KREMEN1: variants seen among roughly 807,000 people sequenced by gnomAD.
KREMEN1 encodes the protein kremen protein 1.
A neutral mutation model predicts 46.5 loss-of-function variants in KREMEN1; 30 were observed. The ratio of observed to expected loss-of-function variants is 0.65; its 90% CI spans 0.48 to 0.88. The LOEUF (loss-of-function observed/expected upper bound fraction) is 0.88, where lower values mean the gene tolerates loss of function less well. Among genes scored for constraint, KREMEN1 ranks in the 40% least tolerant of loss-of-function variants. KREMEN1 has a pLI of 0.00. For synonymous variants in KREMEN1, 214 were observed against 230.6 expected, an observed-to-expected ratio of 0.93 and a Z score of 0.65; for missense variants, 533 against 596.9, an observed-to-expected ratio of 0.89 and a Z score of 1.11.
rs142050401 is a variant in KREMEN1, at chr22:29,109,146, C to A, written c.352+10193C>A. On this transcript the variant is annotated intron_variant, in intron 3 of 8. Coordinates refer to ENST00000400335, the MANE Select transcript of KREMEN1 (RefSeq NM_001039570.3). ...TACTCAATTATTTTTTGGTTTTTGCCAGTGGGTATTATTTAATTTTCCATT... is the reference window on the plus strand; with the variant it reads ...TACTCAATTATTTTTTGGTTTTTGCAAGTGGGTATTATTTAATTTTCCATT... Among the ~76,000 whole-genome samples the A allele has an allele frequency of 7.5e-4, 114 of 152,100 alleles. No homozygotes were observed. In the East Asian group the frequency reaches 0.021, roughly 28 times the overall value.
chr22:29,126,597 G>A (rs1270319759), intron 5 of KREMEN1, among the ~76,000 whole-genome samples: 1 of 152,094 alleles, frequency 6.6e-6, no homozygotes. Flanking sequence ...TCTTAACTCG[G>A]TTACATAACA....
chr22:29,146,047 C>T lies in KREMEN1; in HGVS notation c.*3935C>T, dbSNP rs116694917. On this transcript the variant is annotated 3_prime_UTR_variant, in exon 9 of 9. Transcript: ENST00000400335. ...CAAGCACTTATACGCGGATGGCCTC[C>T]GAGACCCTGCCTCCCTGGTCTGCTG... 7.7e-4 allele frequency: 761 copies of T among 985,894 alleles called. 3 individuals carry two copies. In the African/African-American group the frequency reaches 0.012, roughly 16 times the overall value. The allele number at this position is 985,894 out of a possible 1,614,324, so 61.1% of individuals were successfully genotyped here.
At chr22:29,082,912 A>G (rs980218136) in intron 1 of KREMEN1, among the ~76,000 whole-genome samples, 4 of 152,192 alleles carry the variant, frequency 2.6e-5, no homozygotes, top group African/African-American at 9.7e-5. Flanking sequence ...TTTCAGCTTT[A>G]AAATATCTCA....
In KREMEN1 at chr22:29,145,517, G is replaced by A. The variant is rs2038843755; in HGVS notation, c.*3405G>A. The A allele has an allele frequency of 1.1e-5, 11 of 985,564 alleles. No individual in the cohort carries two copies. The highest frequency in any genetic ancestry group is 6.1e-5 in the Admixed American group (1 of 16,290). The allele number at this position is 985,564 out of a possible 1,614,324, so 61.1% of individuals were successfully genotyped here. On this transcript the variant is annotated 3_prime_UTR_variant, in exon 9 of 9. Coordinates refer to ENST00000400335, the MANE Select transcript of KREMEN1 (RefSeq NM_001039570.3). ...GCCAACAGGAGAGCCCTCACCAGCC[G>A]ATCTTGTCACTCTCCGTGGTGACAG...
chr22:29,142,621 G>A lies in KREMEN1; in HGVS notation c.*509G>A, dbSNP rs1419191149. ...TTGGGAGTTGGTCCCATACAAGTGC[G>A]GACTCCTGGACATTAGCGAGGTGTA... is the stretch of plus-strand genomic sequence containing the variant. On this transcript the variant is annotated 3_prime_UTR_variant, in exon 9 of 9. Coordinates refer to ENST00000400335, the MANE Select transcript of KREMEN1 (RefSeq NM_001039570.3). 19 of 985,442 alleles carry A rather than the reference G, an allele frequency of 1.9e-5. No homozygotes were observed. The highest frequency in any genetic ancestry group is 1.2e-4 in the Admixed American group (2 of 16,264). 61.0% of individuals were successfully genotyped at this position (985,442 alleles called of 1,614,324 possible). A position where few individuals can be genotyped will look rare whatever the true frequency, so the allele number is the denominator to read the frequency against.
downstream of KREMEN1, chr22:29,146,885 GTC>G: frequency 1.4e-6 from 1 of 740,358 alleles, no homozygotes; most frequent in Non-Finnish European, 1.6e-6. Context: ...AGCGGAGGGT[GTC>G]TGTGGTGGGA....
intron 3 of KREMEN1, among the ~76,000 whole-genome samples, chr22:29,107,151 A>G (rs1462456209): frequency 1.3e-5 from 2 of 150,358 alleles, no homozygotes; most frequent in Non-Finnish European, 2.9e-5. Flanking sequence ...CCCCAATACC[A>G]TGTCTTCACT....
At chr22:29,136,564 G>T (rs1349670845) in intron 5 of KREMEN1, among the ~76,000 whole-genome samples, 2 of 141,792 alleles carry the variant, frequency 1.4e-5, no homozygotes, top group Non-Finnish European at 3.1e-5. Context: ...GACAGACGGA[G>T]ACTCCTTCTC....
At chr22:29,093,813 T>C (rs368911923) in intron 1 of KREMEN1, among the ~76,000 whole-genome samples, 5 of 152,178 alleles carry the variant, frequency 3.3e-5, no homozygotes, top group East Asian at 3.8e-4. Flanking sequence ...TTTCAGACTG[T>C]AGGGAAGAGC....
chr22:29,084,297 C>T (rs935742968), intron 1 of KREMEN1, among the ~76,000 whole-genome samples: 3 of 145,128 alleles, frequency 2.1e-5, no homozygotes, highest in Admixed American at 6.9e-5. Flanking sequence ...TGCTGGCCTC[C>T]TATCTTATCC....
At chr22:29,152,768 C>T (rs560201600) in intron 9 of KREMEN1, among the ~76,000 whole-genome samples, 1 of 152,292 alleles carries the variant, frequency 6.6e-6, no homozygotes, top group South Asian at 2.1e-4. Flanking sequence ...GCAGTGGCAC[C>T]GTCACAGGGT....
Position 29,142,324 on chromosome 22 carries a change from A to G in KREMEN1, c.*212A>G, listed in dbSNP as rs1020879538. The G allele has an allele frequency of 2.4e-6, 3 of 1,267,194 alleles. No homozygotes were observed. In the African/African-American group the frequency reaches 4.6e-5, roughly 19 times the overall value. 78.5% of individuals were successfully genotyped at this position (1,267,194 alleles called of 1,614,324 possible). A position where few individuals can be genotyped will look rare whatever the true frequency, so the allele number is the denominator to read the frequency against. On this transcript the variant is annotated 3_prime_UTR_variant, in exon 9 of 9. Coordinates refer to ENST00000400335, the MANE Select transcript of KREMEN1 (RefSeq NM_001039570.3). ...TCCTCCTGCTTCATCGATTGCACTT[A>G]GGAGAGAGACTCAAAGCCCTGGGGC...
intron 9 of KREMEN1, among the ~76,000 whole-genome samples, chr22:29,155,895 G>T (rs561666949): frequency 5.3e-4 from 80 of 151,904 alleles, no homozygotes; most frequent in Non-Finnish European, 9.6e-4. Context: ...GGAAGCAGAG[G>T]TTGCAGTGAA....
At chr22:29,093,830 ACAG>A (rs2145761142) in intron 1 of KREMEN1, among the ~76,000 whole-genome samples, 1 of 152,340 alleles carries the variant, frequency 6.6e-6, no homozygotes, top group Non-Finnish European at 1.5e-5. Flanking sequence ...GAGCTCAGTT[ACAG>A]CTGGTGACCT....
chr22:29,074,577 A>G lies in KREMEN1; in HGVS notation c.97+1350A>G, dbSNP rs1195140545. ...TCTGCAGGCTGTTTGGGTGTTGAGC[A>G]TAGGCCATTTGTGAAAGGGATGGGA... On this transcript the variant is annotated intron_variant, in intron 1 of 8. Transcript: ENST00000400335. Among the ~76,000 whole-genome samples the G allele has an allele frequency of 5.3e-5, 8 of 152,378 alleles. No homozygotes were observed. The East Asian group carries it at 5.8e-4, about 11-fold the overall frequency.
chr22:29,155,895 G>A (rs561666949), intron 9 of KREMEN1, among the ~76,000 whole-genome samples: 1 of 151,904 alleles, frequency 6.6e-6, no homozygotes, highest in African/African-American at 2.4e-5. Flanking sequence ...GGAAGCAGAG[G>A]TTGCAGTGAA....
chr22:29,117,561 C>T (rs536871448), intron 3 of KREMEN1, among the ~76,000 whole-genome samples: 189 of 131,964 alleles, frequency 1.4e-3, no homozygotes, highest in African/African-American at 3.6e-3. Flanking sequence ...AGCAAGACTC[C>T]GTCTCCAAAA....
chr22:29,165,955 A>G (rs746539707), intron 9 of KREMEN1, among the ~76,000 whole-genome samples: 2 of 152,188 alleles, frequency 1.3e-5, no homozygotes, highest in Non-Finnish European at 2.9e-5. Flanking sequence ...ATTTTGCCCC[A>G]AGATGAGGGC....
intron 1 of KREMEN1, among the ~76,000 whole-genome samples, chr22:29,080,003 C>A (rs1053835844): frequency 3.9e-5 from 6 of 152,170 alleles, no homozygotes; most frequent in African/African-American, 1.4e-4. Context: ...GATGTTCTTC[C>A]GAAGACCCTT....
Sources: gnomAD v4.1 joint callset for allele counts (sites outside exome capture counted in the v4.1 genomes callset) on GRCh38, gnomAD v4.1.1 for gene constraint, MANE v1.5 for transcripts, NCBI Gene and HGNC (gene_info 2026-07-23, HGNC 2026-07-21) for gene names.